Variants in PRH1 observed in about 807,000 individuals in gnomAD.
PRH1 encodes proline rich protein HaeIII subfamily 1, also known as salivary acidic proline-rich phosphoprotein 1/2.
PRH1 carries 7 observed loss-of-function variants against 7.9 expected under a neutral mutation model. The ratio of observed to expected loss-of-function variants is 0.89; its 90% CI spans 0.50 to 1.67. The LOEUF is 1.67. PRH1 is among the 40% of genes most tolerant of loss of function. The pLI is 0.00. For missense variants in PRH1, 109 were observed against 223.6 expected (o/e 0.49, Z 3.27); for synonymous variants, 45 against 80.8 (o/e 0.56, Z 2.38).
chr12:10,898,593 C>T (rs1229936487), intron 2 of PRH1, among the ~76,000 whole-genome samples: 2 of 151,988 alleles, frequency 1.3e-5, no homozygotes, highest in African/African-American at 4.8e-5. Flanking sequence ...AAAAGATGAA[C>T]TCTAAACATA....
chr12:11,073,049 G>T, intron 1 of PRH1, among the ~76,000 whole-genome samples: 1 of 146,190 alleles, frequency 6.8e-6, no homozygotes, highest in East Asian at 2.0e-4. Context: ...AGATACACCT[G>T]ATAATATTTG....
chr12:10,901,457 C>G (rs149211086), intron 2 of PRH1, among the ~76,000 whole-genome samples: 1 of 152,172 alleles, frequency 6.6e-6, no homozygotes, highest in Non-Finnish European at 1.5e-5. Flanking sequence ...AGTGTTGGTG[C>G]TTGTGTCTGC....
chr12:10,908,520 G>C, intron 2 of PRH1: 4 of 1,613,908 alleles, frequency 2.5e-6, no homozygotes, highest in Non-Finnish European at 3.4e-6. Context: ...GTAGATCACT[G>C]TGTTCTGATA....
At chr12:11,122,070 A>G (rs1300659515) in intron 1 of PRH1, among the ~76,000 whole-genome samples, 3 of 152,236 alleles carry the variant, frequency 2.0e-5, no homozygotes, top group African/African-American at 7.2e-5. Context: ...TGTTATTCAT[A>G]CACATGCACA....
At chr12:10,967,034 G>C (rs1938535504) in intron 2 of PRH1, among the ~76,000 whole-genome samples, 1 of 149,886 alleles carries the variant, frequency 6.7e-6, no homozygotes, top group Non-Finnish European at 1.5e-5. Context: ...AGAATGGTGT[G>C]AACCCCGGAG....
At chr12:11,031,153 T>A (rs72475489) in intron 1 of PRH1, 2 of 1,520,698 alleles carry the variant, frequency 1.3e-6, no homozygotes, top group East Asian at 4.6e-5. Flanking sequence ...TTAATAATAA[T>A]ACCCAGAGCA....
At chr12:11,162,049 T>C (rs1289873272) in intron 1 of PRH1, among the ~76,000 whole-genome samples, 1 of 152,224 alleles carries the variant, frequency 6.6e-6, no homozygotes, top group Non-Finnish European at 1.5e-5. Flanking sequence ...CTTCCAAACT[T>C]GCATTATTGA....
chr12:11,001,166 G>A (rs528688054), intron 1 of PRH1, among the ~76,000 whole-genome samples: 102 of 151,516 alleles, frequency 6.7e-4, no homozygotes, highest in Non-Finnish European at 1.1e-3. Flanking sequence ...TTTTTTTTAG[G>A]GGGGGATAGC....
At chr12:11,000,462 G>C (rs916968201) in intron 1 of PRH1, among the ~76,000 whole-genome samples, 9 of 152,016 alleles carry the variant, frequency 5.9e-5, no homozygotes, top group Non-Finnish European at 1.3e-4. Flanking sequence ...TTAGAAAGTT[G>C]TTCCTTTTAA....
chr12:11,144,116 G>A lies in PRH1; in HGVS notation n.40-22936C>T, dbSNP rs542914654. On this transcript the variant is annotated intron_variant and non_coding_transcript_variant, in intron 1 of 1. Coordinates refer to the PRH1 transcript ENST00000541175. ...AGAAAGCATCAGCTGTAGTAGTGTG[G>A]TGAGGGACTGGCAGTGGGTGTGGCC... 5.3e-5 allele frequency among the ~76,000 whole-genome samples: 8 copies of A among 152,288 alleles called. No individual in the cohort carries two copies. The East Asian group carries it at 1.4e-3, about 26-fold the overall frequency.
chr12:11,072,142 T>G (rs1944100241), intron 1 of PRH1, among the ~76,000 whole-genome samples: 1 of 152,182 alleles, frequency 6.6e-6, no homozygotes, highest in Admixed American at 6.5e-5. Flanking sequence ...TAATTTTTGT[T>G]GTTGTTTTTT....
chr12:10,902,604 C>T (rs1673297221), intron 2 of PRH1, among the ~76,000 whole-genome samples: 1 of 151,968 alleles, frequency 6.6e-6, no homozygotes, highest in South Asian at 2.1e-4. Context: ...AGAAAAAAAT[C>T]TTAAAGGCAG....
chr12:11,077,502 T>C, intron 1 of PRH1: 1 of 1,043,772 alleles, frequency 9.6e-7, no homozygotes, highest in Middle Eastern at 2.0e-4. Flanking sequence ...TCCAGGTTAA[T>C]GTGATTAGAT....
chr12:10,918,634 T>A (rs1950005631), intron 2 of PRH1, among the ~76,000 whole-genome samples: 1 of 152,222 alleles, frequency 6.6e-6, no homozygotes, highest in Non-Finnish European at 1.5e-5. Context: ...CAATGTAAGC[T>A]CTCACTAGCA....
chr12:10,969,785 T>A (rs1287113455), intron 2 of PRH1, among the ~76,000 whole-genome samples: 2 of 152,208 alleles, frequency 1.3e-5, no homozygotes, highest in Non-Finnish European at 1.5e-5. Context: ...GCTACTGTGA[T>A]GAAATATGGA....
At chr12:10,975,958 C>T (rs188659294) in intron 1 of PRH1, among the ~76,000 whole-genome samples, 1 of 152,162 alleles carries the variant, frequency 6.6e-6, no homozygotes, top group African/African-American at 2.4e-5. Context: ...CTTAGATAAA[C>T]ACACAACACT....
chr12:11,021,764 T>C (rs755104738), intron 1 of PRH1: 3 of 1,614,228 alleles, frequency 1.9e-6, no homozygotes, highest in Non-Finnish European at 2.5e-6. Flanking sequence ...GAAGGATACA[T>C]GATTGCAACA....
In PRH1 at chr12:11,074,061, A is replaced by G. The variant is rs1264355457; in HGVS notation, n.124-26873T>C. Among the ~76,000 whole-genome samples, 7 of 120,440 alleles carry G rather than the reference A, an allele frequency of 5.8e-5. 3 individuals carry two copies. Among genetic ancestry groups the G allele is most frequent in the Non-Finnish European group, 1.4e-4 (7 of 50,504 alleles). The allele number at this position is 120,440 out of a possible 152,430, so 79.0% of individuals were successfully genotyped here. A position where few individuals can be genotyped will look rare whatever the true frequency, so the allele number is the denominator to read the frequency against. The stretch of plus-strand genomic sequence containing the variant: ...GGAGGGGACTATATTGGACACAAAC[A>G]TGTGCTTCCTCAGATTCCCTTGACT... On this transcript the variant is annotated intron_variant and non_coding_transcript_variant, in intron 1 of 4. Coordinates refer to the PRH1 transcript ENST00000541977.
chr12:11,075,455 C>G (rs113151617), intron 1 of PRH1, among the ~76,000 whole-genome samples: 1 of 99,894 alleles, frequency 1.0e-5, no homozygotes, highest in African/African-American at 3.3e-5. Flanking sequence ...ATAAGTCATA[C>G]TGAGGGAGAA....
Sources: gnomAD v4.1 joint callset for allele counts (sites outside exome capture counted in the v4.1 genomes callset) on GRCh38, gnomAD v4.1.1 for gene constraint, MANE v1.5 for transcripts, NCBI Gene and HGNC (gene_info 2026-07-23, HGNC 2026-07-21) for gene names.